Variants in FAM107B observed in about 807,000 individuals in gnomAD.
FAM107B encodes the protein protein FAM107B.
FAM107B carries 21 observed loss-of-function variants against 31.5 expected under a neutral mutation model. The ratio of observed to expected loss-of-function variants is 0.67; its 90% CI spans 0.47 to 0.96. The LOEUF (loss-of-function observed/expected upper bound fraction) is 0.96, where lower values mean the gene tolerates loss of function less well. Among genes scored for constraint, FAM107B ranks in the 40% least tolerant of loss-of-function variants. The pLI, the probability that FAM107B is intolerant of heterozygous loss-of-function variation, is 0.00. For missense variants in FAM107B, 452 were observed against 377.1 expected, an observed-to-expected ratio of 1.20 and a Z score of -1.64; for synonymous variants, 157 against 141.5, an observed-to-expected ratio of 1.11 and a Z score of -0.78.
intron 2 of FAM107B, among the ~76,000 whole-genome samples, chr10:14,586,584 T>G (rs1010244171): frequency 6.6e-6 from 1 of 152,140 alleles, no homozygotes; most frequent in African/African-American, 2.4e-5. Flanking sequence ...CTCTCCACCA[T>G]GTGGGGATAC....
chr10:14,680,573 C>CAAAAAAAAAAAAAAAAA (rs35826993), intron 1 of FAM107B, among the ~76,000 whole-genome samples: 7 of 133,984 alleles, frequency 5.2e-5, no homozygotes, highest in Admixed American at 1.5e-4. Flanking sequence ...GACTCTGTCT[C>CAAAAAAAAAAAAAAAAA]AAAAAAAAAA....
intron 2 of FAM107B, among the ~76,000 whole-genome samples, chr10:14,625,466 TC>T (rs1853135520): frequency 6.6e-6 from 1 of 152,176 alleles, no homozygotes; most frequent in South Asian, 2.1e-4. Flanking sequence ...TTGTAACTGC[TC>T]CAGCCAGGGC....
At chr10:14,767,849 G>C (rs1281481667) in intron 1 of FAM107B, among the ~76,000 whole-genome samples, 1 of 151,668 alleles carries the variant, frequency 6.6e-6, no homozygotes, top group African/African-American at 2.4e-5. Context: ...GAAATAAAAG[G>C]CATCCAAATT....
intron 2 of FAM107B, among the ~76,000 whole-genome samples, chr10:14,601,772 G>A (rs918128420): frequency 6.6e-6 from 1 of 152,230 alleles, no homozygotes; most frequent in Non-Finnish European, 1.5e-5. Flanking sequence ...AGGTAAGTTA[G>A]GAATAACATT....
intron 1 of FAM107B, among the ~76,000 whole-genome samples, chr10:14,730,303 T>A (rs1215614811): frequency 6.6e-6 from 1 of 152,150 alleles, no homozygotes; most frequent in African/African-American, 2.4e-5. Context: ...TTCTCCCAGG[T>A]GAGTTTAATG....
chr10:14,741,901 T>C (rs539004944), intron 1 of FAM107B, among the ~76,000 whole-genome samples: 156 of 151,476 alleles, frequency 1.0e-3, no homozygotes, highest in African/African-American at 3.6e-3. Context: ...AGAGACGGGG[T>C]TTCTACTAAA....
intron 2 of FAM107B, among the ~76,000 whole-genome samples, chr10:14,595,190 G>A (rs1490952654): frequency 2.6e-5 from 4 of 152,144 alleles, no homozygotes; most frequent in Non-Finnish European, 5.9e-5. Flanking sequence ...TTACACAACT[G>A]TGTACATATA....
At chr10:14,758,370 G>A (rs1011537559) in intron 1 of FAM107B, among the ~76,000 whole-genome samples, 9 of 152,098 alleles carry the variant, frequency 5.9e-5, no homozygotes, top group South Asian at 2.1e-4. Flanking sequence ...CTCAGAGCCC[G>A]GCTTTCACAA....
chr10:14,608,536 G>T (rs77540684), intron 2 of FAM107B, among the ~76,000 whole-genome samples: 8,626 of 152,280 alleles, frequency 0.057, 288 homozygotes, highest in East Asian at 0.11. Flanking sequence ...GGACTGGCTT[G>T]CCCTGGGTGG....
At chr10:14,675,918 G>A (rs554865560) in intron 1 of FAM107B, among the ~76,000 whole-genome samples, 17 of 152,190 alleles carry the variant, frequency 1.1e-4, no homozygotes, top group Non-Finnish European at 2.2e-4. Flanking sequence ...AGCATCTTGG[G>A]AGGCCAAGGT....
chr10:14,624,309 G>A (rs530422718), intron 2 of FAM107B, among the ~76,000 whole-genome samples: 10 of 152,160 alleles, frequency 6.6e-5, no homozygotes, highest in African/African-American at 2.4e-4. Context: ...AGAAGAAATG[G>A]CCAAGCCAGT....
chr10:14,754,680 G>A (rs1393447216), intron 1 of FAM107B, among the ~76,000 whole-genome samples: 1 of 152,216 alleles, frequency 6.6e-6, no homozygotes, highest in East Asian at 1.9e-4. Context: ...ACTGCATCAA[G>A]CCACTGTGAT....
At chr10:14,755,636 A>G (rs1192567917) in intron 1 of FAM107B, among the ~76,000 whole-genome samples, 5 of 152,180 alleles carry the variant, frequency 3.3e-5, no homozygotes, top group Non-Finnish European at 7.3e-5. Context: ...AAATCTCACC[A>G]TTGATTCCTT....
intron 1 of FAM107B, among the ~76,000 whole-genome samples, chr10:14,717,052 T>C (rs542468517): frequency 3.9e-5 from 6 of 152,260 alleles, no homozygotes; most frequent in African/African-American, 1.4e-4. Context: ...ATAGCGCCAC[T>C]GCACTCCAGC....
intron 1 of FAM107B, among the ~76,000 whole-genome samples, chr10:14,720,658 C>T (rs1041785826): frequency 6.6e-6 from 1 of 152,060 alleles, no homozygotes; most frequent in Non-Finnish European, 1.5e-5. Context: ...AAAATTATAA[C>T]GAACAGAATG....
At chr10:14,756,948 G>A (rs1832943152) in intron 1 of FAM107B, among the ~76,000 whole-genome samples, 1 of 152,110 alleles carries the variant, frequency 6.6e-6, no homozygotes, top group Non-Finnish European at 1.5e-5. Context: ...CTTATAAGTG[G>A]GAGCTAAATG....
Position 14,519,196 on chromosome 10 carries a change from C to T in FAM107B, c.*1994G>A, listed in dbSNP as rs998073235. ...CAGTGAAGAATGAATTCTAGTTAAG[C>T]TCTAGGAACAGAAATGGTCCTTCTA... On this transcript the variant is annotated 3_prime_UTR_variant, in exon 5 of 5. Transcript: ENST00000181796. The T allele has an allele frequency of 2.0e-5, 3 of 151,706 alleles. No homozygotes were observed. The highest frequency in any genetic ancestry group is 7.3e-5 in the African/African-American group (3 of 41,226). The allele number at this position is 151,706 out of a possible 1,614,324, so 9.4% of individuals were successfully genotyped here.
chr10:14,668,828 T>G (rs1292051197), intron 1 of FAM107B, among the ~76,000 whole-genome samples: 1 of 152,206 alleles, frequency 6.6e-6, no homozygotes, highest in Non-Finnish European at 1.5e-5. Context: ...CTACTGTGCT[T>G]ACTTTGTTCT....
At chr10:14,659,701 C>T (rs1042924772) in intron 2 of FAM107B, among the ~76,000 whole-genome samples, 4 of 152,128 alleles carry the variant, frequency 2.6e-5, no homozygotes, top group East Asian at 1.9e-4. Context: ...TGTTCTCCCA[C>T]GACATGAAAG....
Sources: allele counts gnomAD v4.1 joint callset (sites outside exome capture counted in the v4.1 genomes callset), GRCh38; gene constraint gnomAD v4.1.1; transcripts MANE v1.5; gene names NCBI Gene and HGNC (gene_info 2026-07-23, HGNC 2026-07-21).